The following ABLIM1 variants were observed in gnomAD, a reference collection of about 807,000 sequenced individuals.
The protein encoded by ABLIM1 is actin-binding LIM protein 1.
Under a neutral mutation model 107.0 loss-of-function variants are expected in ABLIM1, and 40 were observed. The observed-to-expected ratio is 0.37, with a 90% CI of 0.29 to 0.49. The LOEUF (loss-of-function observed/expected upper bound fraction) is 0.49, where lower values mean the gene tolerates loss of function less well. Ranked by LOEUF, ABLIM1 falls within the 20% of genes least tolerant of loss-of-function variation. ABLIM1 has a pLI of 0.97. For missense variants in ABLIM1, 857 were observed against 1,008.5 expected, an observed-to-expected ratio of 0.85 and a Z score of 2.04; for synonymous variants, 357 against 357.3, an observed-to-expected ratio of 1.00 and a Z score of 0.01.
intron 1 of ABLIM1, among the ~76,000 whole-genome samples, chr10:114,754,361 T>C (rs1260391455): frequency 6.6e-6 from 1 of 152,234 alleles, no homozygotes; most frequent in African/African-American, 2.4e-5. Flanking sequence ...CAATAATTGC[T>C]TATTAAATAT....
At chr10:114,575,847 TAATC>T (rs1484784663) in intron 2 of ABLIM1, among the ~76,000 whole-genome samples, 2 of 152,232 alleles carry the variant, frequency 1.3e-5, no homozygotes, top group Non-Finnish European at 2.9e-5. Context: ...AATTCTGAGA[TAATC>T]AAACAGTCTT....
chr10:114,690,344 G>C (rs887309354), intron 1 of ABLIM1: 11 of 1,604,144 alleles, frequency 6.9e-6, no homozygotes, highest in African/African-American at 4.0e-5. Context: ...CATTTGCCAT[G>C]GACAAGATGC....
At chr10:114,546,230 A>C (rs1317138359) in intron 5 of ABLIM1, among the ~76,000 whole-genome samples, 1 of 151,892 alleles carries the variant, frequency 6.6e-6, no homozygotes, top group Non-Finnish European at 1.5e-5. Context: ...TTCCGTTAGA[A>C]GCCAGGCACC....
chr10:114,723,072 C>T (rs958304748), intron 1 of ABLIM1, among the ~76,000 whole-genome samples: 3 of 152,186 alleles, frequency 2.0e-5, no homozygotes, highest in Admixed American at 6.5e-5. Context: ...TAGCTCAGTG[C>T]GCAGCCACAG....
At chr10:114,733,394 T>C (rs1460246441) in intron 1 of ABLIM1, among the ~76,000 whole-genome samples, 1 of 152,244 alleles carries the variant, frequency 6.6e-6, no homozygotes, top group Non-Finnish European at 1.5e-5. Context: ...CTTGAGCATA[T>C]GTAATTCAGC....
At chr10:114,671,122 T>C (rs2080236644) in intron 1 of ABLIM1, among the ~76,000 whole-genome samples, 1 of 152,188 alleles carries the variant, frequency 6.6e-6, no homozygotes, top group South Asian at 2.1e-4. Flanking sequence ...ATAGCTACTA[T>C]TCTGACTTAA....
At chr10:114,601,593 C>A in intron 2 of ABLIM1, 1 of 630,800 alleles carries the variant, frequency 1.6e-6, no homozygotes, top group Non-Finnish European at 2.8e-6. Flanking sequence ...TCCCTTCTTC[C>A]AGGAGAAGGG....
At chr10:114,673,346 TTAAGA>T (rs1480485529) in intron 1 of ABLIM1, among the ~76,000 whole-genome samples, 2 of 152,254 alleles carry the variant, frequency 1.3e-5, no homozygotes, top group African/African-American at 4.8e-5. Context: ...TTTATAATAG[TTAAGA>T]TATCTTTACC....
chr10:114,769,414 GAAAAGAAGGAAAGAAAGAAAGAAA>G (rs1401919925), upstream of ABLIM1, among the ~76,000 whole-genome samples: 3 of 47,734 alleles, frequency 6.3e-5, no homozygotes, highest in African/African-American at 3.1e-4. Context: ...AAGAAAGAAA[GAAAAGAAGGAAAGAAAGAAAGAAA>G]GAAAGAAAGA....
At chr10:114,765,501 G>C (rs1041365027) in intron 1 of ABLIM1, among the ~76,000 whole-genome samples, 1 of 152,116 alleles carries the variant, frequency 6.6e-6, no homozygotes, top group Non-Finnish European at 1.5e-5. Context: ...AGGTACTTAA[G>C]TAGACACATT....
chr10:114,614,502 A>G (rs144333509), intron 1 of ABLIM1, among the ~76,000 whole-genome samples: 1 of 152,208 alleles, frequency 6.6e-6, no homozygotes, highest in East Asian at 1.9e-4. Flanking sequence ...AATGTCCTCA[A>G]TATCATTACA....
the ABLIM1 span, among the ~76,000 whole-genome samples, chr10:114,782,554 T>C: frequency 6.6e-6 from 1 of 152,136 alleles, no homozygotes; most frequent in Non-Finnish European, 1.5e-5. Context: ...CTTCAAAAGT[T>C]GGAGAGATAA....
chr10:114,724,980 A>C (rs2081926951), intron 1 of ABLIM1, among the ~76,000 whole-genome samples: 1 of 152,216 alleles, frequency 6.6e-6, no homozygotes, highest in Non-Finnish European at 1.5e-5. Context: ...GAATTAATTT[A>C]AACAAGTAAA....
intron 1 of ABLIM1, among the ~76,000 whole-genome samples, chr10:114,747,546 A>G (rs911008722): frequency 6.6e-6 from 1 of 152,198 alleles, no homozygotes; most frequent in Non-Finnish European, 1.5e-5. Flanking sequence ...AAGCTTTTTT[A>G]TGTAGGGGAG....
chr10:114,714,228 T>C (rs1044183890), intron 1 of ABLIM1, among the ~76,000 whole-genome samples: 5 of 152,166 alleles, frequency 3.3e-5, no homozygotes, highest in African/African-American at 7.2e-5. Flanking sequence ...AAATCATCCA[T>C]TGGGGACCTC....
intron 4 of ABLIM1, among the ~76,000 whole-genome samples, chr10:114,553,994 C>T (rs972768402): frequency 6.6e-6 from 1 of 152,108 alleles, no homozygotes; most frequent in African/African-American, 2.4e-5. Flanking sequence ...AGGGGGACTT[C>T]ATTAGTAACA....
At chr10:114,666,664 C>T (rs10444097) in intron 1 of ABLIM1, among the ~76,000 whole-genome samples, 73 of 151,992 alleles carry the variant, frequency 4.8e-4, no homozygotes, top group African/African-American at 1.8e-3. Context: ...AAAACAGATA[C>T]AAGAATATCT....
chr10:114,668,894 T>C (rs929216405), intron 1 of ABLIM1, among the ~76,000 whole-genome samples: 2 of 152,172 alleles, frequency 1.3e-5, no homozygotes, highest in East Asian at 1.9e-4. Context: ...ATAGCTTTCG[T>C]AGTATCCATC....
At chr10:114,641,534 A>G (rs1487561460) in intron 1 of ABLIM1, among the ~76,000 whole-genome samples, 1 of 152,214 alleles carries the variant, frequency 6.6e-6, no homozygotes, top group Non-Finnish European at 1.5e-5. Flanking sequence ...TATATTAGAA[A>G]GCGGTAAGTA....
Sources: allele counts gnomAD v4.1 joint callset (sites outside exome capture counted in the v4.1 genomes callset), GRCh38; gene constraint gnomAD v4.1.1; transcripts MANE v1.5; gene names NCBI Gene and HGNC (gene_info 2026-07-23, HGNC 2026-07-21).